The following VDAC3 variants were observed in gnomAD, a reference collection of about 807,000 sequenced individuals.
The protein encoded by VDAC3 is voltage dependent anion channel 3, also known as non-selective voltage-gated ion channel VDAC3.
Under a neutral mutation model 33.9 loss-of-function variants are expected in VDAC3, and 7 were observed. The ratio of observed to expected loss-of-function variants is 0.21; its 90% CI spans 0.12 to 0.39. The LOEUF (loss-of-function observed/expected upper bound fraction) is 0.39, where lower values mean the gene tolerates loss of function less well. VDAC3 is among the 10% of genes least tolerant of loss of function. VDAC3 has a pLI of 1.00. For missense variants in VDAC3, 261 were observed against 334.5 expected (o/e 0.78, Z 1.71); for synonymous variants, 100 against 122.4 (o/e 0.82, Z 1.21).
chr8:42,398,244 A>G (rs1478175136), intron 4 of VDAC3, among the ~76,000 whole-genome samples: 1 of 152,208 alleles, frequency 6.6e-6, no homozygotes, highest in Non-Finnish European at 1.5e-5. Context: ...TAATAAGAGA[A>G]GTAGAGTAAT....
At chr8:42,394,103 A>G (rs1585946952) in intron 2 of VDAC3, 107 bp from the exon 3 acceptor site, 5 of 958,106 alleles carry the variant, frequency 5.2e-6, no homozygotes, top group Non-Finnish European at 8.4e-6. Context: ...ATACACAGGA[A>G]GAGAAAACTG....
At chr8:42,393,907 A>G in intron 2 of VDAC3, 23 bp downstream of exon 2, 1 of 430,122 alleles carries the variant, frequency 2.3e-6, no homozygotes, top group Non-Finnish European at 4.1e-6. Context: ...TATATTTTTA[A>G]AAGAAGTCCA....
intron 6 of VDAC3, among the ~76,000 whole-genome samples, chr8:42,400,152 A>G (rs1450494252): frequency 6.6e-6 from 1 of 152,054 alleles, no homozygotes; most frequent in Non-Finnish European, 1.5e-5. Context: ...CCTGGCTAAC[A>G]CGGTGAAACC....
At chr8:42,403,865 G>A (rs895309824) in intron 8 of VDAC3, among the ~76,000 whole-genome samples, 2 of 144,308 alleles carry the variant, frequency 1.4e-5, no homozygotes, top group South Asian at 4.4e-4. Flanking sequence ...GTGACAGAGC[G>A]AGAGCCTATC....
chr8:42,399,778 T>A, intron 6 of VDAC3, 75 bp downstream of exon 6: 1 of 1,403,532 alleles, frequency 7.1e-7, no homozygotes, highest in Non-Finnish European at 1.0e-6. Flanking sequence ...TAAGGAGATA[T>A]AGTGCAAAGT....
rs1802367957 is a variant in VDAC3 at position 42,398,923 on chromosome 8, G to A, written c.270+59G>A. On this transcript the variant is annotated intron_variant, in intron 5 of 9. Transcript: ENST00000022615. ...CAATTTATCTTGTAGATTGAATGAT[G>A]AACATACCCCAAATATAATCAAAAG... is the stretch of plus-strand genomic sequence containing the variant. 3.1e-5 allele frequency: 49 copies of A among 1,577,926 alleles called. No homozygotes were observed. In the South Asian group the frequency reaches 5.5e-4, roughly 18 times the overall value.
intron 9 of VDAC3, 109 bp downstream of exon 9, chr8:42,405,033 T>C: frequency 1.0e-6 from 1 of 973,644 alleles, no homozygotes; most frequent in Non-Finnish European, 1.6e-6. Flanking sequence ...TTTGGACCAT[T>C]TTGTAACATT....
intron 4 of VDAC3, among the ~76,000 whole-genome samples, chr8:42,395,601 GT>G (rs1169886281): frequency 2.0e-5 from 3 of 152,076 alleles, no homozygotes; most frequent in Non-Finnish European, 4.4e-5. Flanking sequence ...TGTTTATAAA[GT>G]TTTTTTTATT....
chr8:42,403,873 ATC>A (rs1159382324), intron 8 of VDAC3, among the ~76,000 whole-genome samples: 6 of 141,084 alleles, frequency 4.3e-5, no homozygotes, highest in African/African-American at 1.8e-4. Context: ...GCGAGAGCCT[ATC>A]TCAAAAAAAA....
chr8:42,405,702 T>G lies in VDAC3; in HGVS notation c.*240T>G. On this transcript the variant is annotated 3_prime_UTR_variant, in exon 10 of 10. Transcript: ENST00000022615. The stretch of plus-strand genomic sequence containing the variant: ...ACGTTTCAGTTCAGTTCTGAAGTGT[T>G]ATTAAATGTGTTCCTCAGCGACAGT... The G allele has an allele frequency of 2.2e-6, 1 of 445,740 alleles. No homozygotes were observed. The highest frequency in any genetic ancestry group is 4.2e-5 in the East Asian group (1 of 23,910). 27.6% of individuals were successfully genotyped at this position (445,740 alleles called of 1,614,324 possible). A position where few individuals can be genotyped will look rare whatever the true frequency, so the allele number is the denominator to read the frequency against.
Position 42,398,716 on chromosome 8 carries a change from T to C in VDAC3, c.122T>C (p.Phe41Ser), listed in dbSNP as rs1802361111. 3.1e-6 allele frequency: 5 copies of C among 1,594,344 alleles called. No individual in the cohort carries two copies. The highest frequency in any genetic ancestry group is 4.3e-6 in the Non-Finnish European group (5 of 1,175,262). ...TTATTTTTTCTTGCTTACCAGGAAT[T>C]TTCTACTTCTGGTCATGCTTACACT... ...LKTKSCSGVE[F>S]STSGHAYTDT... The change falls in exon 5 of 10, where the codon TTT (phenylalanine) becomes TCT (serine). Residue 41 changes from phenylalanine to serine, a missense_variant. Physicochemically the swap from Phe to Ser is radical, Grantham distance 155. Transcript: ENST00000022615.
intron 2 of VDAC3, 124 bp downstream of exon 2, chr8:42,394,008 GT>G (rs1432470385): frequency 1.8e-4 from 90 of 497,306 alleles, no homozygotes; most frequent in Middle Eastern, 3.9e-4. Context: ...CGGGAAAACT[GT>G]TTTATTCTCA....
chr8:42,405,751 A>G lies in VDAC3; in HGVS notation c.*289A>G, dbSNP rs1802490509. ...GTGTAGCGTCATGTTAGAGGAGACG[A>G]TCTGACCCACCAGTTTGTACATCAC... On this transcript the variant is annotated 3_prime_UTR_variant, in exon 10 of 10. Transcript: ENST00000022615. 1 of 292,720 alleles carries G rather than the reference A, an allele frequency of 3.4e-6. No individual in the cohort carries two copies. Among genetic ancestry groups the G allele is most frequent in the Non-Finnish European group, 6.4e-6 (1 of 155,594 alleles). The allele number at this position is 292,720 out of a possible 1,614,324, so 18.1% of individuals were successfully genotyped here. A position where few individuals can be genotyped will look rare whatever the true frequency, so the allele number is the denominator to read the frequency against.
Position 42,403,323 on chromosome 8 carries a change from T to C in VDAC3, c.564T>C (p.Thr188=). Residue 188 remains threonine, a synonymous_variant, in exon 8 of 10, where the codon ACT becomes ACC. Coordinates refer to ENST00000022615, the MANE Select transcript of VDAC3 (RefSeq NM_005662.7). ...TCTATGAAAACAGGAACGATGGCAC[T>C]GAATTTGGAGGTTCTATCTACCAGA... ...FQLHTHVNDG[T]EFGGSIYQKV... 1 of 1,614,132 alleles carries C rather than the reference T, an allele frequency of 6.2e-7. No individual in the cohort carries two copies. Among genetic ancestry groups the C allele is most frequent in the Non-Finnish European group, 8.5e-7 (1 of 1,180,014 alleles).
intron 8 of VDAC3, among the ~76,000 whole-genome samples, chr8:42,404,451 C>T (rs1366091272): frequency 2.6e-5 from 4 of 152,074 alleles, no homozygotes; most frequent in African/African-American, 9.7e-5. Flanking sequence ...CGGCTGGGCA[C>T]GGTGGGTCAC....
At chr8:42,402,070 G>C in intron 7 of VDAC3, 55 bp downstream of exon 7, 1 of 1,537,654 alleles carries the variant, frequency 6.5e-7, no homozygotes, top group Non-Finnish European at 8.9e-7. Context: ...AAATATTGTA[G>C]CCATTAGCAT....
Position 42,399,549 on chromosome 8 carries a change from CT to C in VDAC3, c.271-94del, listed in dbSNP as rs917872225. ...AATATTTTGCTTTCTTGAATGACTC[CT>C]TTTTTTTGTTAAAGAACTCAGGAAA... On this transcript the variant is annotated intron_variant, in intron 5 of 9. Coordinates refer to ENST00000022615, the MANE Select transcript of VDAC3 (RefSeq NM_005662.7). The C allele has an allele frequency of 1.5e-4, 170 of 1,115,202 alleles. 1 individual carries two copies. The highest frequency in any genetic ancestry group is 3.9e-4 in the South Asian group (25 of 64,636). The allele number at this position is 1,115,202 out of a possible 1,614,324, so 69.1% of individuals were successfully genotyped here. A position where few individuals can be genotyped will look rare whatever the true frequency, so the allele number is the denominator to read the frequency against.
intron 6 of VDAC3, 40 bp from the exon 7 acceptor site, chr8:42,401,745 ATGT>A (rs1332303955): frequency 1.3e-6 from 2 of 1,579,448 alleles, no homozygotes; most frequent in Non-Finnish European, 1.7e-6. Context: ...GTAAGAACTC[ATGT>A]TGTTTTCATC....
chr8:42,396,506 G>A, intron 4 of VDAC3: 3 of 540,402 alleles, frequency 5.6e-6, no homozygotes, highest in Non-Finnish European at 6.5e-6. Flanking sequence ...AAATATATAT[G>A]CACCTCCCTT....
Sources: gnomAD v4.1 joint callset for allele counts (sites outside exome capture counted in the v4.1 genomes callset) on GRCh38, gnomAD v4.1.1 for gene constraint, MANE v1.5 for transcripts, NCBI Gene and HGNC (gene_info 2026-07-23, HGNC 2026-07-21) for gene names.